Variants in TMEM236 observed in about 807,000 individuals in gnomAD.
TMEM236 encodes the protein family with sequence similarity 23, member A.
TMEM236 carries 11 observed loss-of-function variants against 14.7 expected under a neutral mutation model. That is an observed-to-expected ratio of 0.75 (90% CI 0.47 to 1.24). The LOEUF is 1.24. TMEM236 is among the 50% of genes most tolerant of loss of function. The pLI, the probability that TMEM236 is intolerant of heterozygous loss-of-function variation, is 0.00. For missense variants in TMEM236, 464 were observed against 427.3 expected, an observed-to-expected ratio of 1.09 and a Z score of -0.76; for synonymous variants, 182 against 168.6, an observed-to-expected ratio of 1.08 and a Z score of -0.62.
chr10:17,756,093 C>T (rs1464388785), intron 1 of TMEM236, among the ~76,000 whole-genome samples: 5 of 152,104 alleles, frequency 3.3e-5, no homozygotes, highest in African/African-American at 1.2e-4. Context: ...ATAGTGAGAC[C>T]TCGTCTCTAC....
At chr10:17,761,962 T>C (rs1837371896) in intron 1 of TMEM236, among the ~76,000 whole-genome samples, 1 of 152,172 alleles carries the variant, frequency 6.6e-6, no homozygotes, top group African/African-American at 2.4e-5. Flanking sequence ...TATATAGCTC[T>C]CTTTCTCATC....
chr10:17,757,537 TG>T (rs1837301122), intron 1 of TMEM236, among the ~76,000 whole-genome samples: 1 of 150,546 alleles, frequency 6.6e-6, no homozygotes, highest in Admixed American at 6.6e-5. Flanking sequence ...AGATCAAGGC[TG>T]CAGTGTGTTG....
At chr10:17,766,815 G>A (rs1837473703) in intron 1 of TMEM236, among the ~76,000 whole-genome samples, 1 of 152,026 alleles carries the variant, frequency 6.6e-6, no homozygotes, top group Admixed American at 6.5e-5. Flanking sequence ...CGAGGGATAT[G>A]AGAGAGAATT....
In TMEM236 at chr10:17,785,548, G is replaced by A. The variant is rs1412350943; in HGVS notation, c.472+9378G>A. On this transcript the variant is annotated intron_variant, in intron 3 of 3. Transcript: ENST00000377495. ...GTAAGAGATGTCATAGACATTAAAA[G>A]GAAACAAACAAACAAAAAAAGGATG... Among the ~76,000 whole-genome samples, 3 of 150,852 alleles carry A rather than the reference G, an allele frequency of 2.0e-5. No individual in the cohort carries two copies. The South Asian group carries it at 6.3e-4, about 32-fold the overall frequency.
chr10:17,768,423 T>G (rs1164403647), intron 1 of TMEM236, among the ~76,000 whole-genome samples: 1 of 152,144 alleles, frequency 6.6e-6, no homozygotes, highest in East Asian at 1.9e-4. Flanking sequence ...TAGGTAATTT[T>G]TAAAATTTGG....
At chr10:17,762,308 C>T (rs1042351799) in intron 1 of TMEM236, among the ~76,000 whole-genome samples, 61 of 152,076 alleles carry the variant, frequency 4.0e-4, no homozygotes, top group African/African-American at 1.4e-3. Flanking sequence ...ACCTTTGACT[C>T]TTTTGAAAGT....
At chr10:17,773,277 T>C (rs1837603946) in intron 2 of TMEM236, among the ~76,000 whole-genome samples, 1 of 152,220 alleles carries the variant, frequency 6.6e-6, no homozygotes, top group Non-Finnish European at 1.5e-5. Context: ...TGTACTGATT[T>C]CTATAGCATC....
chr10:17,773,164 A>T (rs1317162629), intron 2 of TMEM236, among the ~76,000 whole-genome samples: 1 of 152,206 alleles, frequency 6.6e-6, no homozygotes. Context: ...GTGCATGAGC[A>T]AGCATTTCTG....
At chr10:17,754,276 A>G (rs1837250850) in intron 1 of TMEM236, among the ~76,000 whole-genome samples, 1 of 152,182 alleles carries the variant, frequency 6.6e-6, no homozygotes, top group African/African-American at 2.4e-5. Flanking sequence ...TACTTTGACC[A>G]TTAACTACGA....
At chr10:17,784,915 C>A (rs1212410435) in intron 3 of TMEM236, among the ~76,000 whole-genome samples, 1 of 152,056 alleles carries the variant, frequency 6.6e-6, no homozygotes, top group Non-Finnish European at 1.5e-5. Flanking sequence ...GAGTGTGCAG[C>A]AGAAATTGGA....
chr10:17,795,018 ACT>A (rs1335854772), intron 3 of TMEM236, among the ~76,000 whole-genome samples: 2 of 152,048 alleles, frequency 1.3e-5, no homozygotes, highest in Non-Finnish European at 2.9e-5. Context: ...ACAGAGCAAG[ACT>A]CTGTCACAAA....
chr10:17,795,612 C>T (rs1243392201), intron 3 of TMEM236, among the ~76,000 whole-genome samples: 2 of 151,988 alleles, frequency 1.3e-5, no homozygotes, highest in African/African-American at 4.8e-5. Context: ...TGGGTAAAAT[C>T]GGCCTCAAAT....
At position 17,798,652 on chromosome 10, in the gene TMEM236, G is replaced by T. The variant is rs1838052524; in HGVS notation, c.*2148G>T. ...TTAGGATTTTTCTCACACTGTAAAA[G>T]AAGATTTACTCACAGTTGTTAAAAG... On this transcript the variant is annotated 3_prime_UTR_variant, in exon 4 of 4. Transcript: ENST00000377495. 1.9e-6 allele frequency: 1 copy of T among 534,434 alleles called. No homozygotes were observed. The highest frequency in any genetic ancestry group is 5.4e-5 in the East Asian group (1 of 18,358). The allele number at this position is 534,434 out of a possible 1,614,324, so 33.1% of individuals were successfully genotyped here. A position where few individuals can be genotyped will look rare whatever the true frequency, so the allele number is the denominator to read the frequency against.
chr10:17,766,813 A>G (rs1837473642), intron 1 of TMEM236, among the ~76,000 whole-genome samples: 1 of 152,060 alleles, frequency 6.6e-6, no homozygotes, highest in Non-Finnish European at 1.5e-5. Flanking sequence ...TCCGAGGGAT[A>G]TGAGAGAGAA....
At chr10:17,760,448 G>A (rs1376253895) in intron 1 of TMEM236, among the ~76,000 whole-genome samples, 8 of 151,670 alleles carry the variant, frequency 5.3e-5, no homozygotes, top group East Asian at 1.9e-4. Flanking sequence ...TGAATTTGAT[G>A]TAGCATACAT....
At chr10:17,760,028 C>T (rs1437928508) in intron 1 of TMEM236, among the ~76,000 whole-genome samples, 1 of 147,004 alleles carries the variant, frequency 6.8e-6, no homozygotes, top group Non-Finnish European at 1.5e-5. Context: ...CCCGAGGGAG[C>T]CTTGAGCACC....
chr10:17,765,340 C>T (rs1589141908), intron 1 of TMEM236, among the ~76,000 whole-genome samples: 1 of 152,130 alleles, frequency 6.6e-6, no homozygotes, highest in South Asian at 2.1e-4. Flanking sequence ...TTTTGGTGTG[C>T]AAAATAGACT....
chr10:17,787,768 C>T (rs1425181633), intron 3 of TMEM236, among the ~76,000 whole-genome samples: 2 of 152,172 alleles, frequency 1.3e-5, no homozygotes, highest in Admixed American at 6.5e-5. Context: ...TCTTAAACTA[C>T]ACTAGTAAAT....
chr10:17,783,449 G>C (rs947210433), intron 3 of TMEM236, among the ~76,000 whole-genome samples: 1 of 152,188 alleles, frequency 6.6e-6, no homozygotes, highest in Non-Finnish European at 1.5e-5. Context: ...ACATCAGCGA[G>C]AGGTGCCCGG....
Sources: gnomAD v4.1 joint callset for allele counts (sites outside exome capture counted in the v4.1 genomes callset) on GRCh38, gnomAD v4.1.1 for gene constraint, MANE v1.5 for transcripts, NCBI Gene and HGNC (gene_info 2026-07-23, HGNC 2026-07-21) for gene names.